Variants in SLC25A32 observed in about 807,000 individuals in gnomAD.
SLC25A32 encodes solute carrier family 25 member 32.
SLC25A32 carries 32 observed loss-of-function variants against 39.0 expected under a neutral mutation model. The observed-to-expected ratio is 0.82, with a 90% CI of 0.62 to 1.10. The LOEUF is 1.10. Ranked by LOEUF, SLC25A32 falls within the 50% of genes least tolerant of loss-of-function variation. SLC25A32 has a pLI of 0.00. For missense variants in SLC25A32, 367 were observed against 395.3 expected (o/e 0.93, Z 0.61); for synonymous variants, 166 against 152.4 (o/e 1.09, Z -0.66).
In SLC25A32 at chr8:103,400,538, C is replaced by T; in HGVS notation, c.821G>A (p.Gly274Asp). ...DVITKTWRKE[G>D]VGGFYKGIAP... ...AATTCCCTTGTAAAATCCACCGACG[C>T]CTTCTTTCCTTTAGAGGGAAAAATA... The change falls in exon 7 of 7, where the codon GGC becomes GAC. Residue 274 changes from glycine (G) to aspartate (D), a missense_variant. Gly to Asp is a moderately conservative substitution (Grantham distance 94, BLOSUM62 -1). Transcript: ENST00000297578. 1.2e-6 allele frequency: 2 copies of T among 1,613,826 alleles called. No homozygotes were observed. The highest frequency in any genetic ancestry group is 1.7e-6 in the Non-Finnish European group (2 of 1,179,940).
At chr8:103,400,995 T>C (rs1469973718) in intron 6 of SLC25A32, among the ~76,000 whole-genome samples, 1 of 152,246 alleles carries the variant, frequency 6.6e-6, no homozygotes, top group African/African-American at 2.4e-5. Context: ...ATTAAATATT[T>C]CTTGAATTGA....
chr8:103,405,172 A>G (rs1816302700), intron 2 of SLC25A32, among the ~76,000 whole-genome samples: 2 of 152,220 alleles, frequency 1.3e-5, no homozygotes, highest in African/African-American at 4.8e-5. Flanking sequence ...GACTGGCCAT[A>G]AAAGACAAAA....
intron 1 of SLC25A32, among the ~76,000 whole-genome samples, chr8:103,411,749 GCTT>G (rs1816470160): frequency 6.6e-6 from 1 of 152,146 alleles, no homozygotes; most frequent in Non-Finnish European, 1.5e-5. Flanking sequence ...CCATCCCTGT[GCTT>G]CTAGTCCTGG....
At chr8:103,404,963 T>C (rs1204889235) in intron 2 of SLC25A32, 102 bp from the exon 3 acceptor site, 3 of 646,566 alleles carry the variant, frequency 4.6e-6, no homozygotes, top group African/African-American at 1.9e-5. Flanking sequence ...CACAAGTCAA[T>C]GCATAATGCA....
chr8:103,412,905 T>C (rs756650942), intron 1 of SLC25A32, among the ~76,000 whole-genome samples: 2 of 152,218 alleles, frequency 1.3e-5, no homozygotes, highest in Non-Finnish European at 2.9e-5. Flanking sequence ...AGCATAAAAA[T>C]TATAGTATGT....
intron 1 of SLC25A32, among the ~76,000 whole-genome samples, chr8:103,410,471 C>T (rs1475188521): frequency 2.0e-5 from 3 of 152,200 alleles, no homozygotes; most frequent in African/African-American, 7.2e-5. Context: ...GTGAACTGCA[C>T]ATGCAAGGGA....
intron 1 of SLC25A32, among the ~76,000 whole-genome samples, chr8:103,410,342 T>G (rs1816438269): frequency 6.6e-6 from 1 of 151,992 alleles, no homozygotes; most frequent in African/African-American, 2.4e-5. Flanking sequence ...GTGGGCGGAG[T>G]ACGAGCGAAG....
At chr8:103,412,341 G>C (rs1816484606) in intron 1 of SLC25A32, among the ~76,000 whole-genome samples, 1 of 152,130 alleles carries the variant, frequency 6.6e-6, no homozygotes, top group South Asian at 2.1e-4. Flanking sequence ...TTAGGCTTTT[G>C]GGTATTTGAG....
chr8:103,411,756 G>C (rs1175133851), intron 1 of SLC25A32, among the ~76,000 whole-genome samples: 1 of 152,122 alleles, frequency 6.6e-6, no homozygotes, highest in Non-Finnish European at 1.5e-5. Flanking sequence ...TGTGCTTCTA[G>C]TCCTGGTCTC....
chr8:103,412,386 G>A (rs1816485122), intron 1 of SLC25A32, among the ~76,000 whole-genome samples: 1 of 152,108 alleles, frequency 6.6e-6, no homozygotes, highest in African/African-American at 2.4e-5. Flanking sequence ...TCTTTGTTGG[G>A]GCTCTCTCAT....
chr8:103,408,149 T>C (rs1816384380), intron 1 of SLC25A32, among the ~76,000 whole-genome samples: 1 of 150,668 alleles, frequency 6.6e-6, no homozygotes, highest in African/African-American at 2.4e-5. Context: ...AGCTAATTTT[T>C]GTATTTTTTT....
At position 103,407,732 on chromosome 8, in the gene SLC25A32, C is replaced by G. The variant is rs1816361906; in HGVS notation, c.207G>C (p.Leu69Phe). 6.2e-7 allele frequency: 1 copy of G among 1,613,276 alleles called. No homozygotes were observed. The change falls in exon 2 of 7, where the codon TTG (leucine) becomes TTC (phenylalanine). Residue 69 changes from leucine to phenylalanine, a missense_variant. Leu to Phe is a conservative substitution (Grantham distance 22). Transcript: ENST00000297578. ...RPKYNGILHC[L>F]TTIWKLDGLR... ...GTCCATCAAGTTTCCAAATGGTAGT[C>G]AAGCAATGTAAAATTCCATTATATT...
intron 1 of SLC25A32, among the ~76,000 whole-genome samples, chr8:103,412,534 T>C (rs1287666127): frequency 6.6e-6 from 1 of 152,192 alleles, no homozygotes; most frequent in Non-Finnish European, 1.5e-5. Context: ...CTGATCATCA[T>C]CAATTTCATT....
intron 1 of SLC25A32, among the ~76,000 whole-genome samples, chr8:103,412,001 A>C (rs1816477221): frequency 6.6e-6 from 1 of 152,232 alleles, no homozygotes; most frequent in South Asian, 2.1e-4. Flanking sequence ...AGTTCTAGCA[A>C]TTACTTTGCA....
intron 2 of SLC25A32, among the ~76,000 whole-genome samples, chr8:103,406,576 T>C (rs1043180075): frequency 6.6e-6 from 1 of 152,210 alleles, no homozygotes; most frequent in Non-Finnish European, 1.5e-5. Context: ...GAGCAGTTAT[T>C]TTAAATGGTG....
Position 103,414,596 on chromosome 8 carries a change from G to C in SLC25A32, c.154+188C>G, listed in dbSNP as rs955809961. On this transcript the variant is annotated intron_variant, in intron 1 of 6. Transcript: ENST00000297578. ...TACATGCCCCCTCTCTTAGTCTTGA[G>C]GAGCGGGGAAGATCGCAGGCCGACC... 56 of 729,336 alleles carry C rather than the reference G, an allele frequency of 7.7e-5. 2 individuals carry two copies. In the Middle Eastern group the frequency reaches 1.6e-3, roughly 20 times the overall value. 45.2% of individuals were successfully genotyped at this position (729,336 alleles called of 1,614,324 possible).
At position 103,401,564 on chromosome 8, in the gene SLC25A32, T is replaced by C. The variant is rs765813564; in HGVS notation, c.764A>G (p.Gln255Arg). 2 of 1,613,882 alleles carry C rather than the reference T, an allele frequency of 1.2e-6. No homozygotes were observed. Among genetic ancestry groups the C allele is most frequent in the South Asian group, 2.2e-5 (2 of 91,028 alleles). Reference sequence around the variant, plus strand: ...TATTACACCACTGTAAAACATGTGTTGATCCTGAAGACGAGCTCTTACGAC... The same window carrying C: ...TATTACACCACTGTAAAACATGTGTCGATCCTGAAGACGAGCTCTTACGAC... The part of the protein sequence containing the change: ...YQVVRARLQD[Q>R]HMFYSGVIDV... The change falls in exon 6 of 7, where the codon CAA becomes CGA. Residue 255 changes from glutamine (Q) to arginine (R), a missense_variant. By Grantham distance (43) the Gln-to-Arg change is conservative. Coordinates refer to ENST00000297578, the MANE Select transcript of SLC25A32 (RefSeq NM_030780.5).
rs775851097 is a variant in SLC25A32, at chr8:103,400,522, G to A, written c.837C>T (p.Tyr279=). The A allele has an allele frequency of 6.2e-7, 1 of 1,614,096 alleles. No individual in the cohort carries two copies. Among genetic ancestry groups the A allele is most frequent in the Admixed American group, 1.7e-5 (1 of 60,014 alleles). ...TAATCAAATTAGGAGCAATTCCCTT[G>A]TAAAATCCACCGACGCCTTCTTTCC... is the stretch of plus-strand genomic sequence containing the variant. ...TWRKEGVGGF[Y]KGIAPNLIRV... is the part of the protein sequence containing the mutation. Residue 279 remains tyrosine, a synonymous_variant, in exon 7 of 7, where the codon TAC becomes TAT. Transcript: ENST00000297578.
chr8:103,403,409 TAAAAAAA>T (rs11447002), intron 3 of SLC25A32, 85 bp from the exon 4 acceptor site: 54 of 249,158 alleles, frequency 2.2e-4, no homozygotes, highest in African/African-American at 6.0e-4. Context: ...TACATTTATG[TAAAAAAA>T]AAAAAAAAAA....
Sources: gnomAD v4.1 joint callset for allele counts (sites outside exome capture counted in the v4.1 genomes callset) on GRCh38, gnomAD v4.1.1 for gene constraint, MANE v1.5 for transcripts, NCBI Gene and HGNC (gene_info 2026-07-23, HGNC 2026-07-21) for gene names.